The following DACT2 variants were observed in gnomAD, a reference collection of about 807,000 sequenced individuals.
The protein encoded by DACT2 is dishevelled binding antagonist of beta catenin 2, also known as dapper homolog 2.
Under a neutral mutation model 22.2 loss-of-function variants are expected in DACT2, and 20 were observed. The observed-to-expected ratio is 0.90, with a 90% CI of 0.63 to 1.31. The LOEUF (loss-of-function observed/expected upper bound fraction) is 1.31. DACT2 is among the 50% of genes most tolerant of loss of function. The pLI is 0.00. For synonymous variants in DACT2, 463 were observed against 479.8 expected (o/e 0.96, Z 0.46); for missense variants, 1,048 against 1,061.4 (o/e 0.99, Z 0.18).
chr6:168,295,543 T>C (rs895887202), intron 3 of DACT2, among the ~76,000 whole-genome samples: 1 of 152,164 alleles, frequency 6.6e-6, no homozygotes, highest in African/African-American at 2.4e-5. Flanking sequence ...CATATAGGGA[T>C]ACATGTAAGA....
intron 1 of DACT2, among the ~76,000 whole-genome samples, chr6:168,311,503 CACACATACACACACACAAA>C: frequency 6.7e-6 from 1 of 150,342 alleles, no homozygotes; most frequent in African/African-American, 2.5e-5. Flanking sequence ...TCGCCCCCCA[CACACATACACACACACAAA>C]CACACACACA....
intron 1 of DACT2, among the ~76,000 whole-genome samples, chr6:168,313,437 C>A (rs1006115352): frequency 6.6e-6 from 1 of 152,198 alleles, no homozygotes; most frequent in African/African-American, 2.4e-5. Context: ...CCCAGCTTCA[C>A]GTAAACATAC....
chr6:168,309,847 C>T (rs1779348775), intron 3 of DACT2, among the ~76,000 whole-genome samples: 1 of 152,184 alleles, frequency 6.6e-6, no homozygotes, highest in Admixed American at 6.5e-5. Flanking sequence ...CTCTCCCCAC[C>T]AGCGCTTTCA....
At chr6:168,311,594 A>ACACACACAAACACACACACC (rs1332323296) in intron 1 of DACT2, among the ~76,000 whole-genome samples, 2 of 65,566 alleles carry the variant, frequency 3.1e-5, no homozygotes, top group Non-Finnish European at 6.1e-5. Context: ...CCACACACAC[A>ACACACACAAACACACACACC]CATACACACA....
At chr6:168,309,319 C>T (rs919980472) in intron 3 of DACT2, among the ~76,000 whole-genome samples, 28 of 120,840 alleles carry the variant, frequency 2.3e-4, no homozygotes, top group African/African-American at 7.7e-4. Context: ...GGGCGCGGGG[C>T]AGACGGGAAT....
At chr6:168,310,570 G>A in intron 2 of DACT2, 124 bp from the exon 3 acceptor site, 1 of 1,309,286 alleles carries the variant, frequency 7.6e-7, no homozygotes, top group Admixed American at 3.0e-5. Flanking sequence ...GCTACCGGAG[G>A]CTGTGTGCCA....
rs1186733283 is a variant in DACT2 at position 168,307,152 on chromosome 6, G to A, written c.*280C>T. 13 of 1,255,524 alleles carry A rather than the reference G, an allele frequency of 1.0e-5. No individual in the cohort carries two copies. Among genetic ancestry groups the A allele is most frequent in the East Asian group, 7.6e-5 (2 of 26,178 alleles). 77.8% of individuals were successfully genotyped at this position (1,255,524 alleles called of 1,614,324 possible). On this transcript the variant is annotated 3_prime_UTR_variant, in exon 4 of 4. Transcript: ENST00000366795. This position sits in a 1 kb window ranked among gnomAD's most constrained non-coding sequence, Gnocchi z 5.3. ...ACAACATGGAAACAAGGTGCATGCCGGGAAGCAGCATCCTGGGCAGACCTT... is the reference window on the plus strand; with the variant it reads ...ACAACATGGAAACAAGGTGCATGCCAGGAAGCAGCATCCTGGGCAGACCTT...
chr6:168,306,826 C>T, downstream of DACT2: 1 of 939,822 alleles, frequency 1.1e-6, no homozygotes, highest in African/African-American at 1.8e-5. Flanking sequence ...CCAAAGCTGG[C>T]ACGTGCCCTG....
chr6:168,318,049 G>A (rs922637954), intron 1 of DACT2, among the ~76,000 whole-genome samples: 1 of 118,240 alleles, frequency 8.5e-6, no homozygotes, highest in African/African-American at 2.8e-5. Context: ...CTGCGATTGT[G>A]TCTGGTGCAA....
downstream of DACT2, among the ~76,000 whole-genome samples, chr6:168,304,937 A>T (rs1221408298): frequency 6.6e-6 from 1 of 152,174 alleles, no homozygotes. Context: ...TGAGAATTCT[A>T]CTTCTTTACT....
chr6:168,293,652 C>G (rs1583286918), exon 6 of DACT2: 1 of 523,774 alleles, frequency 1.9e-6, no homozygotes, highest in Middle Eastern at 5.2e-4. Context: ...AGAAACCATT[C>G]TCTCTTACGT....
exon 6 of DACT2, chr6:168,293,660 C>T (rs770980510): frequency 6.0e-5 from 33 of 550,670 alleles, no homozygotes; most frequent in African/African-American, 4.4e-4. Context: ...TTCTCTCTTA[C>T]GTCCATTACT....
chr6:168,309,331 C>A (rs1334777298), intron 3 of DACT2, among the ~76,000 whole-genome samples: 3 of 94,400 alleles, frequency 3.2e-5, no homozygotes, highest in Non-Finnish European at 6.4e-5. Flanking sequence ...GACGGGAATG[C>A]GTTTAGACAC....
chr6:168,309,246 C>T, intron 3 of DACT2, 148 bp from the exon 4 acceptor site: 2 of 1,308,532 alleles, frequency 1.5e-6, no homozygotes, highest in Middle Eastern at 2.7e-4. Flanking sequence ...CGGCGACTCA[C>T]AGTCACTGAG....
At chr6:168,309,392 A>C (rs1014474791) in intron 3 of DACT2, among the ~76,000 whole-genome samples, 1 of 66,198 alleles carries the variant, frequency 1.5e-5, no homozygotes, top group Non-Finnish European at 2.9e-5. Flanking sequence ...GCCCGTCTGC[A>C]TCTAGACACC....
Position 168,308,570 on chromosome 6 carries a change from C to G in DACT2, c.1187G>C (p.Arg396Thr). 6.5e-7 allele frequency: 1 copy of G among 1,548,668 alleles called. No individual in the cohort carries two copies. Among genetic ancestry groups the G allele is most frequent in the Non-Finnish European group, 8.7e-7 (1 of 1,146,952 alleles). Residue 396 changes from arginine (R) to threonine (T), a missense_variant, in exon 4 of 4, where the codon AGG (arginine) becomes ACG (threonine). By Grantham distance (71) the Arg-to-Thr change is moderately conservative. Transcript: ENST00000366795. ...REDEGGPAQSRGAGRGGPQQQ... is the reference protein window; with the variant it reads ...REDEGGPAQSTGAGRGGPQQQ... ...CTGGGGCCCGCCCCTGCCGGCACCC[C>G]TGCTCTGAGCTGGCCCTCCCTCGTC...
intron 1 of DACT2, among the ~76,000 whole-genome samples, chr6:168,311,680 ACT>A (rs1457391875): frequency 2.7e-4 from 40 of 150,860 alleles, no homozygotes; most frequent in African/African-American, 9.6e-4. Context: ...ATACACACAC[ACT>A]CACACACACA....
intron 1 of DACT2, among the ~76,000 whole-genome samples, chr6:168,312,377 T>G (rs1484765209): frequency 2.0e-5 from 3 of 152,166 alleles, no homozygotes; most frequent in Non-Finnish European, 4.4e-5. Context: ...TTGTATTTTT[T>G]GTAGAGACAG....
At chr6:168,298,677 T>G (rs998270886) in intron 3 of DACT2, 1 of 152,218 alleles carries the variant, frequency 6.6e-6, no homozygotes, top group Admixed American at 6.5e-5. Context: ...ACTGTGGAGA[T>G]TACACGTGAA....
Sources: allele counts gnomAD v4.1 joint callset (sites outside exome capture counted in the v4.1 genomes callset), GRCh38; gene constraint gnomAD v4.1.1; non-coding constraint Gnocchi (gnomAD v3.1); transcripts MANE v1.5; gene names NCBI Gene and HGNC (gene_info 2026-07-23, HGNC 2026-07-21).